FHIT: variants seen among roughly 807,000 people sequenced by gnomAD.
FHIT encodes bis(5'-adenosyl)-triphosphatase.
FHIT carries 19 observed loss-of-function variants against 17.9 expected under a neutral mutation model. The observed-to-expected ratio is 1.06, with a 90% CI of 0.74 to 1.56. The LOEUF (loss-of-function observed/expected upper bound fraction) is 1.56. Among genes scored for constraint, FHIT ranks in the 40% most tolerant of loss-of-function variants. The pLI is 0.00. For missense variants in FHIT, 248 were observed against 189.2 expected (o/e 1.31, Z -1.82); for synonymous variants, 81 against 69.7 (o/e 1.16, Z -0.81).
chr3:60,956,236 A>C (rs1260870918), intron 3 of FHIT, among the ~76,000 whole-genome samples: 4 of 152,226 alleles, frequency 2.6e-5, no homozygotes, highest in Non-Finnish European at 5.9e-5. Flanking sequence ...AGATCCATTT[A>C]GTTATAAAAA....
intron 5 of FHIT, among the ~76,000 whole-genome samples, chr3:60,359,825 T>C (rs958587103): frequency 1.1e-4 from 17 of 152,096 alleles, no homozygotes; most frequent in Admixed American, 2.6e-4. Flanking sequence ...CCCAAGATAA[T>C]AGAATTTTAT....
chr3:60,596,978 T>C (rs2038292257), intron 4 of FHIT, among the ~76,000 whole-genome samples: 1 of 152,122 alleles, frequency 6.6e-6, no homozygotes, highest in African/African-American at 2.4e-5. Flanking sequence ...AAAACTGAAA[T>C]TTATCAGAGA....
At chr3:59,943,077 G>A (rs1706611424) in intron 7 of FHIT, among the ~76,000 whole-genome samples, 1 of 151,830 alleles carries the variant, frequency 6.6e-6, no homozygotes, top group Admixed American at 6.6e-5. Context: ...TTACTAAGAA[G>A]AAAAACAAGG....
chr3:60,320,407 G>C (rs1326174193), intron 5 of FHIT, among the ~76,000 whole-genome samples: 1 of 152,068 alleles, frequency 6.6e-6, no homozygotes, highest in African/African-American at 2.4e-5. Context: ...AGAAGCAATA[G>C]CAAGTGACAA....
chr3:59,999,743 G>A (rs1699656073), intron 7 of FHIT, among the ~76,000 whole-genome samples: 1 of 152,048 alleles, frequency 6.6e-6, no homozygotes, highest in Non-Finnish European at 1.5e-5. Context: ...AAGTAGCTGG[G>A]ATTACAGGGG....
intron 4 of FHIT, among the ~76,000 whole-genome samples, chr3:60,649,584 G>A (rs74829994): frequency 0.059 from 8,980 of 152,090 alleles, 318 homozygotes; most frequent in African/African-American, 0.11. Context: ...GACATGATAC[G>A]TGGTAAAATA....
chr3:59,939,456 C>A (rs968430226), intron 7 of FHIT, among the ~76,000 whole-genome samples: 11 of 152,142 alleles, frequency 7.2e-5, no homozygotes, highest in African/African-American at 2.2e-4. Context: ...CTTTTAGGAA[C>A]TTTCAGCATG....
chr3:60,168,347 A>C (rs1471829477), intron 5 of FHIT, among the ~76,000 whole-genome samples: 1 of 152,186 alleles, frequency 6.6e-6, no homozygotes, highest in Non-Finnish European at 1.5e-5. Flanking sequence ...ATTGTCTATT[A>C]ACAGCGTCCA....
At chr3:60,406,036 A>G (rs909303957) in intron 5 of FHIT, among the ~76,000 whole-genome samples, 1 of 152,158 alleles carries the variant, frequency 6.6e-6, no homozygotes, top group African/African-American at 2.4e-5. Context: ...TTATTATTAG[A>G]TATTTGTAGT....
chr3:60,403,488 C>T (rs1701739224), intron 5 of FHIT, among the ~76,000 whole-genome samples: 1 of 152,142 alleles, frequency 6.6e-6, no homozygotes, highest in African/African-American at 2.4e-5. Context: ...TCTCTCTAGC[C>T]TCTAATTTTC....
chr3:60,341,030 T>C (rs987267787), intron 5 of FHIT, among the ~76,000 whole-genome samples: 9 of 152,126 alleles, frequency 5.9e-5, no homozygotes, highest in Non-Finnish European at 4.4e-5. Context: ...ATTAATAGTA[T>C]AGCATTGGGG....
intron 4 of FHIT, among the ~76,000 whole-genome samples, chr3:60,569,617 G>C (rs2037281292): frequency 6.6e-6 from 1 of 151,006 alleles, no homozygotes; most frequent in African/African-American, 2.4e-5. Flanking sequence ...GGCTAGCTAG[G>C]AGACTTTGGG....
chr3:60,694,027 G>A (rs1013132214), intron 4 of FHIT, among the ~76,000 whole-genome samples: 8 of 152,290 alleles, frequency 5.3e-5, no homozygotes, highest in Admixed American at 3.3e-4. Flanking sequence ...TGACCTAGGA[G>A]AAGAAGCATT....
chr3:60,499,388 C>G (rs2034429784), intron 5 of FHIT, among the ~76,000 whole-genome samples: 1 of 152,072 alleles, frequency 6.6e-6, no homozygotes, highest in African/African-American at 2.4e-5. Flanking sequence ...CATGCTTCAC[C>G]CCCACAGGTC....
At chr3:60,602,076 C>A (rs782787787) in intron 4 of FHIT, among the ~76,000 whole-genome samples, 2 of 152,000 alleles carry the variant, frequency 1.3e-5, no homozygotes, top group Non-Finnish European at 2.9e-5. Context: ...CCAAGAAAAT[C>A]ATCATCAGTG....
chr3:60,526,565 C>T (rs796584787), intron 5 of FHIT, among the ~76,000 whole-genome samples: 20 of 152,110 alleles, frequency 1.3e-4, no homozygotes, highest in African/African-American at 4.3e-4. Flanking sequence ...ATCTTTTTTC[C>T]CAGGAACACT....
intron 8 of FHIT, among the ~76,000 whole-genome samples, chr3:59,921,994 A>G (rs1188095468): frequency 5.3e-5 from 8 of 152,210 alleles, no homozygotes; most frequent in South Asian, 2.1e-4. Flanking sequence ...AAAGAATCAT[A>G]TATCAATCTG....
At chr3:61,059,372 C>CTTTTTTTTTTTTTTTTTT in intron 2 of FHIT, among the ~76,000 whole-genome samples, 1 of 113,282 alleles carries the variant, frequency 8.8e-6, no homozygotes, top group Non-Finnish European at 1.8e-5. Context: ...TTGCTTTTTC[C>CTTTTTTTTTTTTTTTTTT]TTTTTTTTTT....
intron 5 of FHIT, among the ~76,000 whole-genome samples, chr3:60,104,827 A>G (rs947091935): frequency 1.3e-5 from 2 of 152,182 alleles, no homozygotes; most frequent in Non-Finnish European, 2.9e-5. Flanking sequence ...CCAAGAATCC[A>G]GGAAACTTAG....
Sources: allele counts gnomAD v4.1 joint callset (sites outside exome capture counted in the v4.1 genomes callset), GRCh38; gene constraint gnomAD v4.1.1; transcripts MANE v1.5; gene names NCBI Gene and HGNC (gene_info 2026-07-23, HGNC 2026-07-21).